Variants in WDR7 observed in about 807,000 individuals in gnomAD.
WDR7 encodes WD repeat-containing protein 7.
WDR7 carries 46 observed loss-of-function variants against 169.4 expected under a neutral mutation model. The observed-to-expected ratio is 0.27, with a 90% CI of 0.21 to 0.35. WDR7 has a LOEUF of 0.35. Among genes scored for constraint, WDR7 ranks in the 10% least tolerant of loss-of-function variants. The pLI, the probability that WDR7 is intolerant of heterozygous loss-of-function variation, is 1.00. For synonymous variants in WDR7, 612 were observed against 666.8 expected, an observed-to-expected ratio of 0.92 and a Z score of 1.27; for missense variants, 1,534 against 1,859.3, an observed-to-expected ratio of 0.83 and a Z score of 3.22.
chr18:56,720,291 A>G (rs1011394750), intron 13 of WDR7, among the ~76,000 whole-genome samples: 1 of 152,028 alleles, frequency 6.6e-6, no homozygotes, highest in African/African-American at 2.4e-5. Flanking sequence ...TACAAAAAAA[A>G]ATACAAAAAT....
intron 16 of WDR7, among the ~76,000 whole-genome samples, chr18:56,760,001 C>T (rs1444118654): frequency 6.6e-6 from 1 of 152,088 alleles, no homozygotes; most frequent in African/African-American, 2.4e-5. Context: ...CATTTCTATC[C>T]ATCATTTCCA....
At chr18:56,904,741 A>G (rs1003259969) in intron 21 of WDR7, among the ~76,000 whole-genome samples, 1 of 152,182 alleles carries the variant, frequency 6.6e-6, no homozygotes, top group African/African-American at 2.4e-5. Flanking sequence ...TCATGTTTGA[A>G]TACATTATCT....
chr18:56,672,442 A>G, intron 1 of WDR7, 55 bp from the exon 2 acceptor site: 2 of 1,347,818 alleles, frequency 1.5e-6, no homozygotes, highest in East Asian at 5.2e-5. Flanking sequence ...AAAAATATAT[A>G]ACATGTTTTC....
chr18:56,853,059 G>A (rs1480093586), intron 20 of WDR7, among the ~76,000 whole-genome samples: 2 of 152,080 alleles, frequency 1.3e-5, no homozygotes, highest in Non-Finnish European at 2.9e-5. Context: ...GGCAAAATAC[G>A]AAAAATATCT....
At chr18:56,793,043 C>T (rs2044519460) in intron 19 of WDR7, among the ~76,000 whole-genome samples, 1 of 152,148 alleles carries the variant, frequency 6.6e-6, no homozygotes, top group Non-Finnish European at 1.5e-5. Context: ...TAACAGAGTG[C>T]CAGCTCAGTA....
At chr18:56,777,310 TC>T (rs1197994850) in intron 17 of WDR7, among the ~76,000 whole-genome samples, 1 of 152,184 alleles carries the variant, frequency 6.6e-6, no homozygotes, top group Non-Finnish European at 1.5e-5. Flanking sequence ...CTTAACATTC[TC>T]ATTGGAAAAG....
intron 20 of WDR7, among the ~76,000 whole-genome samples, chr18:56,859,843 C>T (rs1203632428): frequency 6.6e-6 from 1 of 152,066 alleles, no homozygotes; most frequent in African/African-American, 2.4e-5. Flanking sequence ...CCGGGTAGTC[C>T]GGCTCTTCAC....
chr18:56,812,257 T>A (rs2044882066), intron 19 of WDR7, among the ~76,000 whole-genome samples: 1 of 152,228 alleles, frequency 6.6e-6, no homozygotes, highest in African/African-American at 2.4e-5. Flanking sequence ...TTTAAAAAAA[T>A]TAGGTGTCCA....
At chr18:56,705,794 C>T (rs566582213) in intron 12 of WDR7, among the ~76,000 whole-genome samples, 5 of 152,206 alleles carry the variant, frequency 3.3e-5, no homozygotes, top group South Asian at 2.1e-4. Context: ...GTCAAGAGAT[C>T]GAGACCATCC....
chr18:56,665,546 G>T (rs185879254), intron 1 of WDR7, among the ~76,000 whole-genome samples: 116 of 152,144 alleles, frequency 7.6e-4, no homozygotes, highest in African/African-American at 2.6e-3. Flanking sequence ...AAGTGTGTGT[G>T]TACCCACTGT....
rs770504319 is a variant in WDR7 at position 56,672,589 on chromosome 18, T to C, written c.74T>C (p.Val25Ala). The C allele has an allele frequency of 5.7e-5, 92 of 1,613,344 alleles. No individual in the cohort carries two copies. Among genetic ancestry groups the C allele is most frequent in the Non-Finnish European group, 4.2e-6 (5 of 1,179,668 alleles). The change falls in exon 2 of 28, where the codon GTA (valine) becomes GCA (alanine). Residue 25 changes from valine to alanine, a missense_variant. Val to Ala is a moderately conservative substitution (Grantham distance 64). Transcript: ENST00000254442. ...RKAPTHCISA[V>A]LLTDDGATIV... ...GCGCCCACACATTGCATCTCAGCCGTACTTTTAACAGATGATGGGGCCACG... is the reference window on the plus strand; with the variant it reads ...GCGCCCACACATTGCATCTCAGCCGCACTTTTAACAGATGATGGGGCCACG...
chr18:56,794,405 G>T (rs2044548582), intron 19 of WDR7, among the ~76,000 whole-genome samples: 2 of 140,224 alleles, frequency 1.4e-5, no homozygotes, highest in African/African-American at 2.6e-5. Flanking sequence ...TGCCTCCTGG[G>T]TTCACGCCAT....
Position 56,851,618 on chromosome 18 carries a change from C to T in WDR7, c.3305-28326C>T, listed in dbSNP as rs1210749152. ...AACAATTGTTTGTTGCCTGATTTAA[C>T]ATTGACCTAGACCAAGATTTCTGAA... On this transcript the variant is annotated intron_variant, in intron 20 of 27. Coordinates refer to ENST00000254442, the MANE Select transcript of WDR7 (RefSeq NM_015285.3). 3.3e-5 allele frequency among the ~76,000 whole-genome samples: 5 copies of T among 152,310 alleles called. No homozygotes were observed. In the East Asian group the frequency reaches 9.6e-4, roughly 29 times the overall value.
chr18:56,682,119 T>G (rs1263864255), intron 4 of WDR7, among the ~76,000 whole-genome samples: 1 of 152,232 alleles, frequency 6.6e-6, no homozygotes, highest in Non-Finnish European at 1.5e-5. Context: ...GTGTTTGATT[T>G]AGTCCTCCTG....
chr18:56,897,900 C>T (rs568861528), intron 21 of WDR7, among the ~76,000 whole-genome samples: 1 of 151,812 alleles, frequency 6.6e-6, no homozygotes, highest in East Asian at 1.9e-4. Context: ...CTTTTTTATA[C>T]CTTGATTGGT....
intron 19 of WDR7, among the ~76,000 whole-genome samples, chr18:56,795,829 T>C (rs1204982835): frequency 2.0e-5 from 3 of 152,194 alleles, no homozygotes; most frequent in African/African-American, 7.2e-5. Flanking sequence ...TAAATTATTG[T>C]GCTTAAAGGT....
At chr18:56,877,076 A>G (rs2046033424) in intron 20 of WDR7, among the ~76,000 whole-genome samples, 1 of 152,148 alleles carries the variant, frequency 6.6e-6, no homozygotes, top group Admixed American at 6.5e-5. Context: ...TATTTCCAGC[A>G]AAACTTTAAG....
At chr18:56,822,581 T>C (rs1043199794) in intron 20 of WDR7, among the ~76,000 whole-genome samples, 11 of 152,352 alleles carry the variant, frequency 7.2e-5, no homozygotes, top group African/African-American at 2.4e-4. Context: ...AGAGGCTGTA[T>C]AATTTGTAAA....
chr18:56,873,234 C>T (rs74424765), intron 20 of WDR7, among the ~76,000 whole-genome samples: 2,279 of 152,216 alleles, frequency 0.015, 58 homozygotes, highest in African/African-American at 0.05. Flanking sequence ...GCCAGTTGGG[C>T]GGTGTTCTTA....
Sources: gnomAD v4.1 joint callset for allele counts (sites outside exome capture counted in the v4.1 genomes callset) on GRCh38, gnomAD v4.1.1 for gene constraint, MANE v1.5 for transcripts, NCBI Gene and HGNC (gene_info 2026-07-23, HGNC 2026-07-21) for gene names.